MVB12B: variants seen among roughly 807,000 people sequenced by gnomAD.
MVB12B encodes the protein multivesicular body subunit 12B.
MVB12B carries 16 observed loss-of-function variants against 41.6 expected under a neutral mutation model. The ratio of observed to expected loss-of-function variants is 0.38; its 90% CI spans 0.26 to 0.58. MVB12B has a LOEUF of 0.58. Ranked by LOEUF, MVB12B falls within the 20% of genes least tolerant of loss-of-function variation. MVB12B has a pLI of 0.62. For missense variants in MVB12B, 274 were observed against 380.2 expected (o/e 0.72, Z 2.32); for synonymous variants, 133 against 139.7 (o/e 0.95, Z 0.34).
At chr9:126,380,081 G>T (rs1444206201) in intron 2 of MVB12B, among the ~76,000 whole-genome samples, 1 of 152,210 alleles carries the variant, frequency 6.6e-6, no homozygotes, top group Non-Finnish European at 1.5e-5. Context: ...AACAGGCACT[G>T]CTCCTCAGTC....
At chr9:126,394,554 C>G (rs984458829) in intron 5 of MVB12B, among the ~76,000 whole-genome samples, 1 of 152,140 alleles carries the variant, frequency 6.6e-6, no homozygotes, top group Non-Finnish European at 1.5e-5. Flanking sequence ...TTCTTAAAAG[C>G]GGGCACAGTT....
intron 2 of MVB12B, among the ~76,000 whole-genome samples, chr9:126,374,575 T>G (rs533623998): frequency 6.6e-6 from 1 of 152,350 alleles, no homozygotes; most frequent in East Asian, 1.9e-4. Context: ...TTGTAGAGCC[T>G]TGTGTCGATT....
intron 7 of MVB12B, among the ~76,000 whole-genome samples, chr9:126,456,722 A>T (rs1010761104): frequency 3.3e-5 from 5 of 152,106 alleles, no homozygotes; most frequent in African/African-American, 1.2e-4. Flanking sequence ...GGTCTGAGGC[A>T]TCTCCTTCCT....
intron 2 of MVB12B, among the ~76,000 whole-genome samples, chr9:126,366,167 C>A (rs1830176100): frequency 1.3e-5 from 2 of 152,032 alleles, no homozygotes; most frequent in Admixed American, 6.6e-5. Flanking sequence ...CTCACCAGCT[C>A]CTCCAGCCAC....
intron 9 of MVB12B, among the ~76,000 whole-genome samples, chr9:126,488,016 A>G (rs1206355800): frequency 6.6e-6 from 1 of 152,214 alleles, no homozygotes; most frequent in African/African-American, 2.4e-5. Flanking sequence ...ACTCTGGCCA[A>G]CGGGCTCCTT....
chr9:126,328,972 G>A (rs1829057520), intron 1 of MVB12B, among the ~76,000 whole-genome samples: 2 of 151,948 alleles, frequency 1.3e-5, no homozygotes, highest in African/African-American at 4.8e-5. Context: ...TAGTAGAGTT[G>A]GGGTCTTGCT....
At chr9:126,369,191 A>G (rs1284393968) in intron 2 of MVB12B, among the ~76,000 whole-genome samples, 1 of 152,146 alleles carries the variant, frequency 6.6e-6, no homozygotes. Flanking sequence ...TAAGAAAGGT[A>G]TTTGTTGTTT....
At chr9:126,347,138 G>C (rs1829614150) in intron 2 of MVB12B, among the ~76,000 whole-genome samples, 1 of 152,234 alleles carries the variant, frequency 6.6e-6, no homozygotes, top group South Asian at 2.1e-4. Flanking sequence ...GAGGGGTGTA[G>C]ATACAGGAGA....
At chr9:126,374,860 T>C (rs1319607379) in intron 2 of MVB12B, among the ~76,000 whole-genome samples, 1 of 152,224 alleles carries the variant, frequency 6.6e-6, no homozygotes, top group Non-Finnish European at 1.5e-5. Context: ...CCATGAGATA[T>C]TTCCCCAGCT....
chr9:126,434,043 G>A (rs1832401231), intron 7 of MVB12B, among the ~76,000 whole-genome samples: 1 of 152,000 alleles, frequency 6.6e-6, no homozygotes, highest in African/African-American at 2.4e-5. Flanking sequence ...CCCCTTTTTT[G>A]TCAGAATGAA....
chr9:126,477,708 C>T (rs1306062630), intron 7 of MVB12B, among the ~76,000 whole-genome samples: 4 of 152,234 alleles, frequency 2.6e-5, no homozygotes, highest in Admixed American at 2.6e-4. Flanking sequence ...CCTCCCACAA[C>T]TCGTGGGGAT....
In MVB12B at chr9:126,418,873, G is replaced by A. The variant is rs7870296; in HGVS notation, c.663-2981G>A. Among the ~76,000 whole-genome samples the A allele has an allele frequency of 5.2e-3, 795 of 152,266 alleles. 8 individuals are homozygous for A. Among genetic ancestry groups the A allele is most frequent in the African/African-American group, 0.018 (756 of 41,542 alleles). On this transcript the variant is annotated intron_variant, in intron 6 of 9. Coordinates refer to ENST00000361171, the MANE Select transcript of MVB12B (RefSeq NM_033446.3). ...TCCTACCCTGCCCTTCCTAGCACTT[G>A]AGTCTTCCCGCCTTCCATAGGAAAT... is the stretch of plus-strand genomic sequence containing the variant.
intron 1 of MVB12B, chr9:126,335,171 A>T: frequency 1.9e-6 from 2 of 1,075,162 alleles, no homozygotes; most frequent in South Asian, 4.4e-5. Context: ...CCCTCCTAGC[A>T]GCTAGTGACT....
intron 9 of MVB12B, among the ~76,000 whole-genome samples, chr9:126,497,196 G>C (rs997197830): frequency 6.6e-6 from 1 of 152,092 alleles, no homozygotes; most frequent in Admixed American, 6.5e-5. Context: ...GAAGTGGGGG[G>C]CCCTAGAACC....
chr9:126,429,113 A>G lies in MVB12B; in HGVS notation c.757+7165A>G, dbSNP rs1453073613. On this transcript the variant is annotated intron_variant, in intron 7 of 9. Transcript: ENST00000361171. ...TGAATGAAGTGAAAAGATATGTATA[A>G]TAATTGTGCTTGAACCAAGGAGGAA... is the stretch of plus-strand genomic sequence containing the variant. 8.5e-5 allele frequency among the ~76,000 whole-genome samples: 13 copies of G among 152,224 alleles called. No homozygotes were observed. The East Asian group carries it at 2.5e-3, about 29-fold the overall frequency.
chr9:126,445,309 T>G (rs943187509), intron 7 of MVB12B, among the ~76,000 whole-genome samples: 1 of 152,198 alleles, frequency 6.6e-6, no homozygotes, highest in African/African-American at 2.4e-5. Context: ...TTTTGGTTTT[T>G]GTTTTGTTTC....
chr9:126,360,351 G>A (rs1370177990), intron 2 of MVB12B, among the ~76,000 whole-genome samples: 1 of 152,068 alleles, frequency 6.6e-6, no homozygotes, highest in Non-Finnish European at 1.5e-5. Context: ...TTTAAGCTTT[G>A]TGAGCTATAT....
At chr9:126,330,672 T>A (rs1829105504) in intron 1 of MVB12B, among the ~76,000 whole-genome samples, 1 of 152,184 alleles carries the variant, frequency 6.6e-6, no homozygotes, top group Admixed American at 6.5e-5. Context: ...TCGGTGGCAT[T>A]ATGCACATTC....
chr9:126,385,881 C>T (rs964618100), intron 3 of MVB12B, among the ~76,000 whole-genome samples: 20 of 152,156 alleles, frequency 1.3e-4, no homozygotes, highest in African/African-American at 4.3e-4. Context: ...AATTCTCTCT[C>T]GCAATTACAG....
Sources: gnomAD v4.1 joint callset for allele counts (sites outside exome capture counted in the v4.1 genomes callset) on GRCh38, gnomAD v4.1.1 for gene constraint, MANE v1.5 for transcripts, NCBI Gene and HGNC (gene_info 2026-07-23, HGNC 2026-07-21) for gene names.